DRC4: variants seen among roughly 807,000 people sequenced by gnomAD.
DRC4 encodes the protein dynein regulatory complex subunit 4.
chr16:90,028,617 T>G, the DRC4 span, among the ~76,000 whole-genome samples: 2 of 152,180 alleles, frequency 1.3e-5, no homozygotes, highest in Admixed American at 6.5e-5. Flanking sequence ...TTTAAGTCTC[T>G]TCTTCATTTG....
chr16:90,020,172 T>G, the DRC4 span: 1 of 523,216 alleles, frequency 1.9e-6, no homozygotes, highest in African/African-American at 2.0e-5. Flanking sequence ...TACTTCAATA[T>G]TTATCTCTCA....
At chr16:90,024,297 G>A in the DRC4 span, among the ~76,000 whole-genome samples, 3 of 152,082 alleles carry the variant, frequency 2.0e-5, no homozygotes, top group African/African-American at 4.8e-5. Context: ...GGGTTCAGGA[G>A]GATATTTATT....
chr16:90,041,996 G>A, the DRC4 span, among the ~76,000 whole-genome samples: 3 of 152,042 alleles, frequency 2.0e-5, no homozygotes, highest in Non-Finnish European at 4.4e-5. Context: ...GGAGTGCAGT[G>A]GCTCAATCTC....
chr16:90,044,172 C>T, the DRC4 span: 1 of 454,826 alleles, frequency 2.2e-6, no homozygotes, highest in Non-Finnish European at 4.4e-6. Context: ...GCGGCGGCTC[C>T]AGTGTGGGGT....
At chr16:90,019,736 C>T in the DRC4 span, 4 of 657,764 alleles carry the variant, frequency 6.1e-6, no homozygotes, top group Admixed American at 4.8e-5. This position sits in a 1 kb window ranked among gnomAD's most constrained non-coding sequence, Gnocchi z 6.1. Context: ...ACTTGGCGGC[C>T]GCGCCCGCTG....
the DRC4 span, among the ~76,000 whole-genome samples, chr16:90,033,708 C>T: frequency 6.6e-6 from 1 of 151,968 alleles, no homozygotes; most frequent in Non-Finnish European, 1.5e-5. Flanking sequence ...GCTGCTAGGT[C>T]CTGATCTGAT....
the DRC4 span, chr16:90,036,119 G>C: frequency 1.7e-6 from 1 of 576,498 alleles, no homozygotes. Flanking sequence ...CTGACATTCA[G>C]CTGTTGGCAC....
the DRC4 span, among the ~76,000 whole-genome samples, chr16:90,028,172 C>CTTTTTT: frequency 6.7e-5 from 5 of 74,994 alleles, no homozygotes; most frequent in Admixed American, 2.9e-4. Flanking sequence ...ATTAATCGTT[C>CTTTTTT]ATTTTTTTTT....
the DRC4 span, chr16:90,035,851 C>A: frequency 6.6e-7 from 1 of 1,513,784 alleles, no homozygotes; most frequent in Non-Finnish European, 8.9e-7. Flanking sequence ...AGTGGACCCA[C>A]TCAGAATCCC....
chr16:90,044,287 G>T, the DRC4 span: 8 of 434,600 alleles, frequency 1.8e-5, no homozygotes, highest in East Asian at 4.9e-4. Flanking sequence ...CACAAAGCCT[G>T]ACCCTGGGCA....
At chr16:90,027,939 C>A in the DRC4 span, 1 of 568,948 alleles carries the variant, frequency 1.8e-6, no homozygotes, top group East Asian at 2.9e-5. Flanking sequence ...AGCTTTGTAA[C>A]AGGGTGGTAG....
chr16:90,037,957 ACC>A, the DRC4 span: 68 of 955,520 alleles, frequency 7.1e-5, 2 homozygotes, highest in South Asian at 1.5e-4. Flanking sequence ...TGGGGATGGC[ACC>A]CCTGCTAGCC....
chr16:90,037,773 C>G, the DRC4 span: 1 of 1,614,094 alleles, frequency 6.2e-7, no homozygotes, highest in Non-Finnish European at 8.5e-7. Context: ...GCACAAAAGC[C>G]CGTTTGAAAG....
At chr16:90,021,290 A>G in the DRC4 span, among the ~76,000 whole-genome samples, 4 of 152,340 alleles carry the variant, frequency 2.6e-5, no homozygotes, top group South Asian at 8.3e-4. Flanking sequence ...CTGGACAGGA[A>G]GACCTAGGTC....
chr16:90,027,728 C>T, the DRC4 span: 2 of 1,613,830 alleles, frequency 1.2e-6, no homozygotes, highest in Non-Finnish European at 8.5e-7. Flanking sequence ...AGCAGGTGAG[C>T]AGAGCGGGCT....
chr16:90,043,785 G>A, the DRC4 span: 1 of 471,274 alleles, frequency 2.1e-6, no homozygotes, highest in Non-Finnish European at 4.4e-6. Flanking sequence ...TCTCCAGGGG[G>A]CCGGGACTTC....
At chr16:90,043,528 C>T in the DRC4 span, 2 of 644,606 alleles carry the variant, frequency 3.1e-6, no homozygotes, top group African/African-American at 1.8e-5. Flanking sequence ...GACCCTCACC[C>T]ATGGTGTCCC....
the DRC4 span, among the ~76,000 whole-genome samples, chr16:90,024,422 G>GA: frequency 6.6e-6 from 1 of 152,302 alleles, no homozygotes; most frequent in East Asian, 1.9e-4. Flanking sequence ...TGTGCAGGGG[G>GA]AAGCATGCTT....
chr16:90,042,298 T>C, the DRC4 span: 1 of 665,392 alleles, frequency 1.5e-6, no homozygotes, highest in Non-Finnish European at 2.8e-6. Context: ...CCTTGTTTTC[T>C]CTCCACCCTT....
Sources: allele counts gnomAD v4.1 joint callset (sites outside exome capture counted in the v4.1 genomes callset), GRCh38; gene constraint gnomAD v4.1.1; non-coding constraint Gnocchi (gnomAD v3.1); transcripts MANE v1.5; gene names NCBI Gene and HGNC (gene_info 2026-07-23, HGNC 2026-07-21).